ITGB5: variants seen among roughly 807,000 people sequenced by gnomAD.
The protein encoded by ITGB5 is integrin subunit beta 5, also known as integrin beta-5.
Under a neutral mutation model 84.8 loss-of-function variants are expected in ITGB5, and 38 were observed. That is an observed-to-expected ratio of 0.45 (90% CI 0.35 to 0.59). The LOEUF (loss-of-function observed/expected upper bound fraction) is 0.59, where lower values mean the gene tolerates loss of function less well. ITGB5 is among the 20% of genes least tolerant of loss of function. The pLI is 0.01. For missense variants in ITGB5, 905 were observed against 1,034.5 expected (o/e 0.87, Z 1.72); for synonymous variants, 393 against 414.4 (o/e 0.95, Z 0.63).
chr3:124,840,751 G>A (rs149819282), intron 5 of ITGB5, among the ~76,000 whole-genome samples: 1,990 of 151,278 alleles, frequency 0.013, 43 homozygotes, highest in South Asian at 0.063. Flanking sequence ...TGCAACCTCC[G>A]CCTCCTGGTT....
At chr3:124,896,236 A>G (rs1329618205) in intron 1 of ITGB5, among the ~76,000 whole-genome samples, 6 of 152,270 alleles carry the variant, frequency 3.9e-5, no homozygotes, top group East Asian at 1.9e-4. Context: ...TTATTTAATC[A>G]TCAATCAGGA....
intron 1 of ITGB5, among the ~76,000 whole-genome samples, chr3:124,875,308 T>A (rs1934254659): frequency 6.6e-6 from 1 of 151,904 alleles, no homozygotes; most frequent in Non-Finnish European, 1.5e-5. Flanking sequence ...TGAAACCCCA[T>A]CTCTACTAAA....
chr3:124,868,533 C>T (rs1343527812), intron 2 of ITGB5, among the ~76,000 whole-genome samples: 1 of 148,110 alleles, frequency 6.8e-6, no homozygotes, highest in Non-Finnish European at 1.5e-5. Context: ...GTAATCCCAG[C>T]ACACTGGGAA....
chr3:124,810,871 G>A (rs1252637409), intron 8 of ITGB5, among the ~76,000 whole-genome samples: 1 of 146,174 alleles, frequency 6.8e-6, no homozygotes, highest in Non-Finnish European at 1.5e-5. Flanking sequence ...GGCTGTTGGA[G>A]AGAACAGCAG....
Position 124,899,217 on chromosome 3 carries a change from G to A in ITGB5, c.-255+2049C>T, listed in dbSNP as rs562460322. Among the ~76,000 whole-genome samples the A allele has an allele frequency of 8.5e-5, 13 of 152,270 alleles. No homozygotes were observed. In the East Asian group the frequency reaches 2.3e-3, roughly 27 times the overall value. ...TATTTGTTTTCATATTCCAGGACAC[G>A]CTTTGCTCTAGGATGCCATGCCACT... is the stretch of plus-strand genomic sequence containing the variant. On this transcript the variant is annotated intron_variant, in intron 1 of 4. Transcript: ENST00000608657.
chr3:124,809,325 C>T (rs1405745280), intron 8 of ITGB5, 169 bp from the exon 9 acceptor site: 27 of 634,966 alleles, frequency 4.3e-5, no homozygotes, highest in Non-Finnish European at 1.1e-5. Context: ...TTTCCCTTCT[C>T]TCTGCACTCA....
intron 12 of ITGB5, among the ~76,000 whole-genome samples, chr3:124,767,532 G>A (rs988839612): frequency 7.9e-5 from 12 of 152,208 alleles, no homozygotes; most frequent in African/African-American, 2.9e-4. Flanking sequence ...ACCAGTCCTT[G>A]GGCCACAGGA....
At chr3:124,787,129 C>T (rs1301258929) in intron 10 of ITGB5, among the ~76,000 whole-genome samples, 1 of 152,022 alleles carries the variant, frequency 6.6e-6, no homozygotes, top group Non-Finnish European at 1.5e-5. Context: ...CCTTAAGCAC[C>T]AGGCCTGAAG....
At chr3:124,783,624 G>A (rs2064038045) in intron 10 of ITGB5, among the ~76,000 whole-genome samples, 2 of 152,278 alleles carry the variant, frequency 1.3e-5, no homozygotes, top group East Asian at 1.9e-4. Flanking sequence ...CATAAGAAAA[G>A]GAACAGAAGT....
intron 10 of ITGB5, among the ~76,000 whole-genome samples, chr3:124,786,516 G>A (rs1480178708): frequency 6.6e-6 from 1 of 152,170 alleles, no homozygotes; most frequent in African/African-American, 2.4e-5. Flanking sequence ...CTTTAGCTTA[G>A]GGACATCTGG....
intron 8 of ITGB5, among the ~76,000 whole-genome samples, chr3:124,811,006 C>T (rs2064492953): frequency 6.6e-6 from 1 of 151,864 alleles, no homozygotes; most frequent in Non-Finnish European, 1.5e-5. Context: ...AAATTAACAG[C>T]TTGTTGAAAA....
chr3:124,836,388 G>A (rs954024749), intron 5 of ITGB5, among the ~76,000 whole-genome samples: 13 of 151,838 alleles, frequency 8.6e-5, no homozygotes, highest in African/African-American at 2.9e-4. Context: ...CAAGGTTGCA[G>A]TGAGCCATGA....
At chr3:124,770,474 T>C (rs2063825656) in intron 11 of ITGB5, among the ~76,000 whole-genome samples, 1 of 152,182 alleles carries the variant, frequency 6.6e-6, no homozygotes, top group African/African-American at 2.4e-5. Flanking sequence ...GCAACTGCAA[T>C]GTAGAGCCTT....
At chr3:124,874,420 G>GTCTAAAA (rs1266137531) in intron 1 of ITGB5, among the ~76,000 whole-genome samples, 1 of 151,868 alleles carries the variant, frequency 6.6e-6, no homozygotes, top group East Asian at 1.9e-4. Context: ...AAATGTCCAT[G>GTCTAAAA]CTATCCAGTC....
chr3:124,768,778 T>C (rs1360450874), intron 12 of ITGB5, among the ~76,000 whole-genome samples: 3 of 152,238 alleles, frequency 2.0e-5, no homozygotes, highest in East Asian at 3.8e-4. Context: ...AATTGGCACA[T>C]TGTATGGTGA....
chr3:124,860,905 A>C (rs1317325342), intron 2 of ITGB5, among the ~76,000 whole-genome samples: 2 of 152,204 alleles, frequency 1.3e-5, no homozygotes, highest in Admixed American at 1.3e-4. Context: ...TATAAAATTC[A>C]AGATCAAGAA....
chr3:124,819,874 C>G, intron 6 of ITGB5, 40 bp from the exon 7 acceptor site: 3 of 1,436,024 alleles, frequency 2.1e-6, no homozygotes, highest in Non-Finnish European at 2.9e-6. Context: ...ACATTCCTAA[C>G]AGGTGTAGAT....
rs562676720 is a variant in ITGB5, at chr3:124,858,028, G to T, written c.361+1214C>A. On this transcript the variant is annotated intron_variant, in intron 3 of 14. Coordinates refer to ENST00000296181, the MANE Select transcript of ITGB5 (RefSeq NM_002213.5). Reference sequence around the variant, plus strand: ...GTGGTGGTACACATCCAGCTATTAGGGAGGCTGAGGCAGGAGAATCTCTTG... The same window carrying T: ...GTGGTGGTACACATCCAGCTATTAGTGAGGCTGAGGCAGGAGAATCTCTTG... Among the ~76,000 whole-genome samples, 22 of 151,948 alleles carry T rather than the reference G, an allele frequency of 1.4e-4. 1 individual carries two copies. Among genetic ancestry groups the T allele is most frequent in the East Asian group, 9.7e-4 (5 of 5,168 alleles).
chr3:124,800,504 G>C (rs975995630), intron 9 of ITGB5, among the ~76,000 whole-genome samples: 2 of 152,192 alleles, frequency 1.3e-5, no homozygotes, highest in African/African-American at 4.8e-5. Context: ...GGGCAAGCAA[G>C]GAGGGCCCAG....
Sources: gnomAD v4.1 joint callset for allele counts (sites outside exome capture counted in the v4.1 genomes callset) on GRCh38, gnomAD v4.1.1 for gene constraint, MANE v1.5 for transcripts, NCBI Gene and HGNC (gene_info 2026-07-23, HGNC 2026-07-21) for gene names.